Variants in GFRAL observed in about 807,000 individuals in gnomAD.
GFRAL encodes GDNF family receptor alpha like.
A neutral mutation model predicts 45.4 loss-of-function variants in GFRAL; 36 were observed. The observed-to-expected ratio is 0.79, with a 90% CI of 0.61 to 1.05. The LOEUF is 1.05. Ranked by LOEUF, GFRAL falls within the 50% of genes least tolerant of loss-of-function variation. The probability of loss-of-function intolerance (pLI) is 0.00; values close to 1 mark genes in which losing one functional copy is unlikely to be tolerated. For missense variants in GFRAL, 507 were observed against 467.5 expected, an observed-to-expected ratio of 1.08 and a Z score of -0.78; for synonymous variants, 166 against 154.1, an observed-to-expected ratio of 1.08 and a Z score of -0.57.
At chr6:55,335,809 T>C (rs1581898811) in intron 3 of GFRAL, among the ~76,000 whole-genome samples, 1 of 152,220 alleles carries the variant, frequency 6.6e-6, no homozygotes, top group African/African-American at 2.4e-5. Flanking sequence ...AGTCTTACTA[T>C]AGCTTCACAG....
intron 3 of GFRAL, among the ~76,000 whole-genome samples, chr6:55,337,460 G>GA (rs1767907624): frequency 6.6e-6 from 1 of 152,054 alleles, no homozygotes. Context: ...CAATATTCTG[G>GA]AAAAGCACAA....
intron 6 of GFRAL, among the ~76,000 whole-genome samples, chr6:55,364,435 T>G: frequency 1.4e-5 from 2 of 145,616 alleles, no homozygotes; most frequent in African/African-American, 2.6e-5. Context: ...AGAAGCTCTT[T>G]AGTTTAATTA....
intron 6 of GFRAL, among the ~76,000 whole-genome samples, chr6:55,368,676 T>C (rs1768401855): frequency 6.6e-6 from 1 of 152,150 alleles, no homozygotes; most frequent in Non-Finnish European, 1.5e-5. Flanking sequence ...GACCCTCAGC[T>C]GCAGATCTGT....
At chr6:55,342,756 A>C (rs1383292612) in intron 3 of GFRAL, among the ~76,000 whole-genome samples, 2 of 152,172 alleles carry the variant, frequency 1.3e-5, no homozygotes, top group Non-Finnish European at 2.9e-5. Flanking sequence ...GTCAAGACCC[A>C]TCAGTGTGCT....
At chr6:55,395,140 T>C (rs6900598) in intron 6 of GFRAL, among the ~76,000 whole-genome samples, 25,039 of 140,016 alleles carry the variant, frequency 0.18, 3,860 homozygotes, top group African/African-American at 0.43. Flanking sequence ...AACTCTCCCC[T>C]GTTGTTTTCA....
intron 3 of GFRAL, among the ~76,000 whole-genome samples, chr6:55,341,413 G>C (rs192563720): frequency 2.6e-5 from 4 of 152,240 alleles, no homozygotes; most frequent in African/African-American, 9.6e-5. Flanking sequence ...AGTCAAACAG[G>C]GTCTGGAGTG....
intron 3 of GFRAL, among the ~76,000 whole-genome samples, chr6:55,343,743 G>T (rs1471663875): frequency 6.6e-6 from 1 of 152,100 alleles, no homozygotes; most frequent in African/African-American, 2.4e-5. Flanking sequence ...CCAGTAACTG[G>T]TTTTTTGAAA....
Position 55,359,065 on chromosome 6 carries a change from T to C in GFRAL, c.879T>C (p.Cys293=). 3 of 1,611,268 alleles carry C rather than the reference T, an allele frequency of 1.9e-6. No homozygotes were observed. The highest frequency in any genetic ancestry group is 2.5e-6 in the Non-Finnish European group (3 of 1,177,738). Reference sequence around the variant, plus strand: ...CGGTCCTTCAAGTGCAATGTACCTGTAGGACCATTACACAAAGTGAGGAAT... The same window carrying C: ...CGGTCCTTCAAGTGCAATGTACCTGCAGGACCATTACACAAAGTGAGGAAT... ...LGTVLQVQCT[C]RTITQSEESL... Residue 293 remains cysteine (C), a synonymous_variant, in exon 6 of 9, where the codon TGT becomes TGC. Transcript: ENST00000340465.
intron 6 of GFRAL, among the ~76,000 whole-genome samples, chr6:55,378,490 C>T (rs1768564208): frequency 6.6e-6 from 1 of 151,852 alleles, no homozygotes; most frequent in Non-Finnish European, 1.5e-5. Context: ...CTGTCAGGCC[C>T]ATGCATAGCT....
chr6:55,389,845 T>C (rs2127365191), intron 6 of GFRAL, among the ~76,000 whole-genome samples: 1 of 152,350 alleles, frequency 6.6e-6, no homozygotes, highest in South Asian at 2.1e-4. Flanking sequence ...ATACCTCATA[T>C]GGTAATGCAG....
At chr6:55,339,354 A>T (rs1301505018) in intron 3 of GFRAL, among the ~76,000 whole-genome samples, 1 of 152,152 alleles carries the variant, frequency 6.6e-6, no homozygotes, top group East Asian at 1.9e-4. Flanking sequence ...ATTTGCAATG[A>T]TAAAAAAATA....
At chr6:55,395,175 A>AAATATATATATATATATATATATATATAT in intron 6 of GFRAL, among the ~76,000 whole-genome samples, 3 of 123,510 alleles carry the variant, frequency 2.4e-5, no homozygotes, top group African/African-American at 6.9e-5. Flanking sequence ...AAAAAAAAAA[A>AAATATATATATATATATATATATATATAT]ATATATATAT....
intron 6 of GFRAL, among the ~76,000 whole-genome samples, chr6:55,375,313 T>C (rs1306709819): frequency 6.6e-6 from 1 of 152,198 alleles, no homozygotes; most frequent in Non-Finnish European, 1.5e-5. Flanking sequence ...CAGTGGTTTG[T>C]AGTTCTCCTT....
At chr6:55,378,984 A>G (rs1768570992) in intron 6 of GFRAL, among the ~76,000 whole-genome samples, 1 of 151,962 alleles carries the variant, frequency 6.6e-6, no homozygotes. Flanking sequence ...GGAGTATTCT[A>G]CTGCAGATGG....
At chr6:55,348,595 A>C (rs115505999) in intron 3 of GFRAL, among the ~76,000 whole-genome samples, 1,985 of 152,078 alleles carry the variant, frequency 0.013, 23 homozygotes, top group Non-Finnish European at 0.022. Context: ...AGCCAGCCAC[A>C]TTTTCCCTGC....
At chr6:55,343,043 T>C (rs1767990557) in intron 3 of GFRAL, among the ~76,000 whole-genome samples, 1 of 152,112 alleles carries the variant, frequency 6.6e-6, no homozygotes, top group Non-Finnish European at 1.5e-5. Flanking sequence ...ACTAGAGACC[T>C]ACAAAGAGAC....
Position 55,327,487 on chromosome 6 carries a change from C to T in GFRAL, c.-68C>T. 6.4e-7 allele frequency: 1 copy of T among 1,567,322 alleles called. No homozygotes were observed. The highest frequency in any genetic ancestry group is 1.1e-5 in the South Asian group (1 of 89,442). ...TGAAGCCTTATTCTGGACAGTTACT[C>T]TTAAGAAAGTTGTCAGAAGAAACGC... On this transcript the variant is annotated 5_prime_UTR_variant, in exon 1 of 9. Coordinates refer to ENST00000340465, the MANE Select transcript of GFRAL (RefSeq NM_207410.2).
At chr6:55,364,315 T>C (rs1234731901) in intron 6 of GFRAL, among the ~76,000 whole-genome samples, 1 of 150,822 alleles carries the variant, frequency 6.6e-6, no homozygotes, top group Non-Finnish European at 1.5e-5. Flanking sequence ...TTTGTTTTAG[T>C]TCATTGTAGA....
chr6:55,365,375 T>C (rs2127359053), intron 6 of GFRAL, among the ~76,000 whole-genome samples: 1 of 135,044 alleles, frequency 7.4e-6, no homozygotes, highest in Non-Finnish European at 1.6e-5. Context: ...TACAATCATG[T>C]CATCTGCAAA....
Sources: allele counts gnomAD v4.1 joint callset (sites outside exome capture counted in the v4.1 genomes callset), GRCh38; gene constraint gnomAD v4.1.1; transcripts MANE v1.5; gene names NCBI Gene and HGNC (gene_info 2026-07-23, HGNC 2026-07-21).